Variants in SLIT1 observed in about 807,000 individuals in gnomAD.
SLIT1 encodes the protein slit homolog 1 protein.
A neutral mutation model predicts 186.1 loss-of-function variants in SLIT1; 66 were observed. The observed-to-expected ratio is 0.35, with a 90% CI of 0.29 to 0.44. SLIT1 has a LOEUF of 0.44. SLIT1 is among the 20% of genes least tolerant of loss of function. The pLI, the probability that SLIT1 is intolerant of heterozygous loss-of-function variation, is 1.00. For synonymous variants in SLIT1, 761 were observed against 833.8 expected (o/e 0.91, Z 1.50); for missense variants, 1,638 against 2,037.4 (o/e 0.80, Z 3.77).
chr10:97,158,914 G>A (rs1038484531), intron 3 of SLIT1, among the ~76,000 whole-genome samples: 6 of 151,900 alleles, frequency 3.9e-5, no homozygotes, highest in African/African-American at 7.2e-5. Flanking sequence ...GCTCCTGCCT[G>A]TAATCCCAAC....
In SLIT1 at chr10:96,998,898, C is replaced by T. The variant is rs1848273847; in HGVS notation, c.*2214G>A. The T allele has an allele frequency of 6.6e-6, 1 of 152,290 alleles. No individual in the cohort carries two copies. 9.4% of individuals were successfully genotyped at this position (152,290 alleles called of 1,614,324 possible). On this transcript the variant is annotated 3_prime_UTR_variant, in exon 37 of 37. Coordinates refer to ENST00000266058, the MANE Select transcript of SLIT1 (RefSeq NM_003061.3). ...TGTCTACAGGTGTCCTTTCCACCTC[C>T]TGCAGAATGAAGAGGCCTCCTGCCA...
chr10:97,121,473 A>G (rs1002675203), intron 4 of SLIT1, among the ~76,000 whole-genome samples: 2 of 152,336 alleles, frequency 1.3e-5, no homozygotes, highest in Non-Finnish European at 2.9e-5. Flanking sequence ...CCGTTCATAC[A>G]GTCTCTTATT....
chr10:97,031,065 A>G (rs959321014), intron 24 of SLIT1, among the ~76,000 whole-genome samples: 1 of 152,200 alleles, frequency 6.6e-6, no homozygotes, highest in Admixed American at 6.5e-5. Context: ...TTTACATTAC[A>G]AACAGGACCC....
At chr10:97,003,587 G>C (rs1230776854) in intron 34 of SLIT1, among the ~76,000 whole-genome samples, 1 of 152,166 alleles carries the variant, frequency 6.6e-6, no homozygotes, top group African/African-American at 2.4e-5. Context: ...CCAGCAGCCT[G>C]CTCATCAATA....
intron 8 of SLIT1, among the ~76,000 whole-genome samples, chr10:97,061,766 T>C (rs559528279): frequency 1.3e-5 from 2 of 152,294 alleles, no homozygotes; most frequent in Non-Finnish European, 2.9e-5. Flanking sequence ...GCAGAAAAAA[T>C]GCACACACCT....
In SLIT1 at chr10:96,999,925, A is replaced by G. The variant is rs926985820; in HGVS notation, c.*1187T>C. ...CACATAAATACTTTTGATGTGATCA[A>G]TGTAGATAGATAGATAGATAGATAG... On this transcript the variant is annotated 3_prime_UTR_variant, in exon 37 of 37. Coordinates refer to ENST00000266058, the MANE Select transcript of SLIT1 (RefSeq NM_003061.3). The G allele has an allele frequency of 4.7e-5, 7 of 149,900 alleles. No individual in the cohort carries two copies. Among genetic ancestry groups the G allele is most frequent in the Non-Finnish European group, 7.4e-5 (5 of 67,690 alleles). The allele number at this position is 149,900 out of a possible 1,614,324, so 9.3% of individuals were successfully genotyped here.
Position 97,040,093 on chromosome 10 carries a change from C to T in SLIT1, c.2192G>A (p.Arg731His), listed in dbSNP as rs1351333649. 14 of 1,589,684 alleles carry T rather than the reference C, an allele frequency of 8.8e-6. No homozygotes were observed. Among genetic ancestry groups the T allele is most frequent in the Middle Eastern group, 1.7e-4 (1 of 5,964 alleles). Residue 731 changes from arginine (R) to histidine (H), a missense_variant, in exon 21 of 37, where the codon CGC becomes CAC. By Grantham distance (29) the Arg-to-His change is conservative. Coordinates refer to ENST00000266058, the MANE Select transcript of SLIT1 (RefSeq NM_003061.3). ...EGQEEGGCLP[R>H]PQCPQECACL... is the part of the protein sequence containing the mutation. ...GGCGCACTCCTGTGGGCACTGTGGG[C>T]GGGGCAGGCAGCCCCCCTCCTCCTG...
chr10:97,100,818 G>A (rs928559518), intron 4 of SLIT1, among the ~76,000 whole-genome samples: 8 of 152,306 alleles, frequency 5.3e-5, no homozygotes, highest in East Asian at 1.9e-4. Context: ...TTGGTACGCC[G>A]CTGCCTCGGC....
intron 25 of SLIT1, among the ~76,000 whole-genome samples, chr10:97,028,429 C>T (rs182254492): frequency 1.3e-5 from 2 of 152,084 alleles, no homozygotes; most frequent in Admixed American, 1.3e-4. Context: ...ATGTCCCTTT[C>T]CAGATTAATC....
intron 4 of SLIT1, among the ~76,000 whole-genome samples, chr10:97,124,797 AT>A (rs1229843785): frequency 2.0e-5 from 3 of 152,182 alleles, no homozygotes; most frequent in African/African-American, 7.2e-5. Flanking sequence ...GAGAGGGAAA[AT>A]TAGGTTCTAG....
At chr10:97,002,558 A>T (rs1848320706) in intron 35 of SLIT1, 146 bp downstream of exon 35, 1 of 835,796 alleles carries the variant, frequency 1.2e-6, no homozygotes, top group African/African-American at 1.7e-5. Flanking sequence ...TGTCCTATTA[A>T]TAAAAAGTGA....
chr10:97,011,365 G>T (rs566587457), intron 30 of SLIT1, among the ~76,000 whole-genome samples: 2 of 152,258 alleles, frequency 1.3e-5, no homozygotes, highest in Non-Finnish European at 2.9e-5. Flanking sequence ...TGAGGTAGGG[G>T]CCTGGGGCTG....
At chr10:97,090,057 C>T (rs116708688) in intron 4 of SLIT1, among the ~76,000 whole-genome samples, 2,604 of 152,318 alleles carry the variant, frequency 0.017, 78 homozygotes, top group African/African-American at 0.054. Flanking sequence ...GCATCCTCGC[C>T]GCTGCTGTTC....
At chr10:97,128,497 C>T (rs773815830) in intron 4 of SLIT1, among the ~76,000 whole-genome samples, 3 of 152,222 alleles carry the variant, frequency 2.0e-5, no homozygotes, top group Admixed American at 1.3e-4. Flanking sequence ...ACAAAGTTAA[C>T]TTCCCAGAAT....
rs1848480163 is a variant in SLIT1 at position 97,019,053 on chromosome 10, C to A, written c.2801G>T (p.Cys934Phe). The A allele has an allele frequency of 2.5e-6, 4 of 1,613,774 alleles. No individual in the cohort carries two copies. Among genetic ancestry groups the A allele is most frequent in the Non-Finnish European group, 3.4e-6 (4 of 1,179,960 alleles). ...GTTGTGGCAGGTGCCCTGGTTCTGG[C>A]ACGGACTGGACAAGCAGAGATCACA... is the stretch of plus-strand genomic sequence containing the variant. The part of the protein sequence containing the change: ...AKCDLCLSSP[C>F]QNQGTCHNDP... The change falls in exon 27 of 37, where the codon TGC becomes TTC. Residue 934 changes from cysteine to phenylalanine, a missense_variant. By Grantham distance (205) the Cys-to-Phe change is radical. Around this residue, in one of 3 missense-constraint regions of SLIT1, gnomAD observed 1,245 missense variants for 1,535.3 expected, o/e 0.81. Transcript: ENST00000266058.
intron 27 of SLIT1, 60 bp downstream of exon 27, chr10:97,018,923 G>T: frequency 9.6e-7 from 1 of 1,039,586 alleles, no homozygotes; most frequent in Non-Finnish European, 1.5e-6. Flanking sequence ...TGGGCCCTGG[G>T]GACAGCCCTG....
At chr10:97,078,504 G>A (rs568581435) in intron 4 of SLIT1, among the ~76,000 whole-genome samples, 6 of 152,254 alleles carry the variant, frequency 3.9e-5, no homozygotes, top group East Asian at 1.9e-4. Flanking sequence ...CTGAGCATGC[G>A]TTCCCCCAAC....
chr10:97,003,844 G>A (rs970168341), intron 34 of SLIT1, among the ~76,000 whole-genome samples: 1 of 152,194 alleles, frequency 6.6e-6, no homozygotes, highest in African/African-American at 2.4e-5. Context: ...CCTCCCCTAA[G>A]CCAGACCTTG....
chr10:97,160,463 G>T (rs557096570), intron 3 of SLIT1, among the ~76,000 whole-genome samples: 2 of 152,050 alleles, frequency 1.3e-5, no homozygotes, highest in African/African-American at 4.8e-5. Flanking sequence ...TAAAAATCAG[G>T]AATACTCCCC....
Sources: gnomAD v4.1 joint callset for allele counts (sites outside exome capture counted in the v4.1 genomes callset) on GRCh38, gnomAD v4.1.1 for gene constraint, gnomAD v4.1.1 regional missense constraint, MANE v1.5 for transcripts, NCBI Gene and HGNC (gene_info 2026-07-23, HGNC 2026-07-21) for gene names.